The following RPS17 variants were observed in gnomAD, a reference collection of about 807,000 sequenced individuals.
RPS17 encodes the protein small ribosomal subunit protein eS17.
For missense variants in RPS17, 68 were observed against 182.3 expected (o/e 0.37, Z 3.61); for synonymous variants, 75 against 65.6 (o/e 1.14, Z -0.70).
chr15:82,537,871 A>G (rs1467493694), intron 4 of RPS17: 4 of 456,242 alleles, frequency 8.8e-6, no homozygotes, highest in African/African-American at 6.0e-5. Flanking sequence ...AAAAAACATC[A>G]AAGTGCAATG....
In RPS17 at chr15:82,540,067, G is replaced by A. The variant is rs915729899; in HGVS notation, c.69C>T (p.Arg23=). The stretch of plus-strand genomic sequence containing the variant: ...TGTTCGTGTGGAAGTCGTTGCCCAG[G>A]CGCGTGTAGTACTTTTCTATGATGA... The part of the protein sequence containing the change: ...ARVIIEKYYT[R]LGNDFHTNKR... The change falls in exon 2 of 5, where the codon CGC becomes CGT. Residue 23 remains arginine (R), a synonymous_variant. Coordinates refer to ENST00000647841, the MANE Select transcript of RPS17 (RefSeq NM_001021.6). 4 of 1,613,012 alleles carry A rather than the reference G, an allele frequency of 2.5e-6. No individual in the cohort carries two copies. In the East Asian group the frequency reaches 8.9e-5, roughly 36 times the overall value.
chr15:82,538,663 A>T (rs2034283232), intron 3 of RPS17: 2 of 663,198 alleles, frequency 3.0e-6, no homozygotes, highest in Admixed American at 5.1e-5. Flanking sequence ...TCAAATCAAC[A>T]TTAAGGGCTC....
At chr15:82,538,716 A>AATGG in intron 3 of RPS17, 164 bp downstream of exon 3, 1 of 764,094 alleles carries the variant, frequency 1.3e-6, no homozygotes. Context: ...AGAAGAGCAG[A>AATGG]ATGGAGGCTA....
At position 82,538,742 on chromosome 15, in the gene RPS17, G is replaced by GC. The variant is rs1356569360; in HGVS notation, c.261+137dup. The GC allele has an allele frequency of 7.9e-3, 6,974 of 887,052 alleles. 49 individuals carry two copies. Among genetic ancestry groups the GC allele is most frequent in the Non-Finnish European group, 8.3e-3 (4,370 of 525,250 alleles). The allele number at this position is 887,052 out of a possible 1,614,324, so 54.9% of individuals were successfully genotyped here. ...ATGGAGGCTAAGAAACTGGTAGGGG[G>GC]CCTATGGGCACCCACAGCTGGTTAT... On this transcript the variant is annotated intron_variant, in intron 3 of 4. Transcript: ENST00000647841.
At chr15:82,537,947 T>A (rs2034269405) in intron 4 of RPS17, 1 of 461,834 alleles carries the variant, frequency 2.2e-6, no homozygotes, top group South Asian at 1.5e-5. Context: ...AGCTCATTTC[T>A]GAGTGGTTAG....
At chr15:82,539,708 GAAAGA>G (rs2150888470) in intron 2 of RPS17, 1 of 592,292 alleles carries the variant, frequency 1.7e-6, no homozygotes, top group African/African-American at 1.9e-5. Flanking sequence ...AGAAAAAAAA[GAAAGA>G]AAAAAGTTGA....
At chr15:82,538,437 T>A in intron 3 of RPS17, 66 bp from the exon 4 acceptor site, 2 of 1,549,358 alleles carry the variant, frequency 1.3e-6, no homozygotes, top group Non-Finnish European at 1.8e-6. Context: ...CTCCTCCTCC[T>A]CTCCCCAGGT....
At chr15:82,539,087 C>CT (rs2034293321) in intron 2 of RPS17, 102 bp from the exon 3 acceptor site, 1 of 1,193,310 alleles carries the variant, frequency 8.4e-7, no homozygotes. Context: ...TAGTTCTTTT[C>CT]CACAGTGAGA....
At chr15:82,538,747 TG>T in intron 3 of RPS17, 132 bp downstream of exon 3, 1 of 953,114 alleles carries the variant, frequency 1.0e-6, no homozygotes, top group Admixed American at 1.8e-5. Context: ...AGGGGGCCTA[TG>T]GGCACCCACA....
rs890715598 is a variant in RPS17, at chr15:82,536,806, C to T, written c.403G>A (p.Val135Ile). 8.1e-6 allele frequency: 13 copies of T among 1,613,986 alleles called. No homozygotes were observed. The highest frequency in any genetic ancestry group is 1.7e-5 in the Admixed American group (1 of 60,026). The change falls in exon 5 of 5, where the codon GTT (valine) becomes ATT (isoleucine). Residue 135 changes from valine to isoleucine, a missense_variant. Val to Ile is a conservative substitution (Grantham distance 29). Transcript: ENST00000647841. ...GMNFKTPRGP[V>I] is the part of the protein sequence containing the mutation. Reference sequence around the variant, plus strand: ...TACAGCACTACAGAAAAAATTCAAACAGGTCCCCGAGGCGTTTTGAAATTC... The same window carrying T: ...TACAGCACTACAGAAAAAATTCAAATAGGTCCCCGAGGCGTTTTGAAATTC...
intron 1 of RPS17, 66 bp downstream of exon 1, chr15:82,540,360 G>A (rs922602167): frequency 1.6e-5 from 25 of 1,585,066 alleles, no homozygotes; most frequent in Admixed American, 9.4e-5. Flanking sequence ...TGTGGGCTGA[G>A]GACCGCGGGA....
At chr15:82,536,995 C>T in intron 4 of RPS17, 114 bp from the exon 5 acceptor site, 2 of 1,188,522 alleles carry the variant, frequency 1.7e-6, no homozygotes, top group Non-Finnish European at 2.5e-6. Context: ...CCAGAGGCGA[C>T]CTGAAGGACC....
chr15:82,538,321 T>G lies in RPS17; in HGVS notation c.312A>C (p.Glu104Asp). ...AAACACTTACCAAAAGCTTCAGCAT[T>G]TCCTTAGTGTCAGGATCTACTTCAA... ...EIIEVDPDTK[E>D]MLKLLDFGSL... is the part of the protein sequence containing the mutation. The change falls in exon 4 of 5, where the codon GAA becomes GAC. Residue 104 changes from glutamate (E) to aspartate (D), a missense_variant. Glu to Asp is a conservative substitution (Grantham distance 45). Transcript: ENST00000647841. 1.9e-6 allele frequency: 3 copies of G among 1,613,414 alleles called. No homozygotes were observed. Among genetic ancestry groups the G allele is most frequent in the Non-Finnish European group, 2.5e-6 (3 of 1,179,786 alleles).
chr15:82,540,433 G>A lies in RPS17; in HGVS notation c.-5C>T. ...TCGAGCCAAAACACCTACCATGTTGGCGGGTCCTTGGTAAAAGAGGAAACA... is the reference window on the plus strand; with the variant it reads ...TCGAGCCAAAACACCTACCATGTTGACGGGTCCTTGGTAAAAGAGGAAACA... On this transcript the variant is annotated 5_prime_UTR_variant, in exon 1 of 5. Transcript: ENST00000647841. 6.3e-7 allele frequency: 1 copy of A among 1,594,898 alleles called. No individual in the cohort carries two copies. The highest frequency in any genetic ancestry group is 8.5e-7 in the Non-Finnish European group (1 of 1,171,970).
At chr15:82,537,636 G>T (rs922160572) in intron 4 of RPS17, 7 of 356,994 alleles carry the variant, frequency 2.0e-5, no homozygotes, top group South Asian at 1.5e-4. Flanking sequence ...TCAGCGCAGT[G>T]GTTATTTCAG....
chr15:82,540,305 C>T (rs2034327144), intron 1 of RPS17, 121 bp downstream of exon 1: 2 of 1,584,598 alleles, frequency 1.3e-6, no homozygotes, highest in Admixed American at 3.7e-5. Context: ...GCCCGTTGCG[C>T]TCCAGCCTGA....
In RPS17 at chr15:82,540,046, C is replaced by T; in HGVS notation, c.90G>A (p.Thr30=). 6.2e-7 allele frequency: 1 copy of T among 1,612,706 alleles called. No homozygotes were observed. Among genetic ancestry groups the T allele is most frequent in the South Asian group, 1.1e-5 (1 of 91,014 alleles). The change falls in exon 2 of 5, where the codon ACG becomes ACA. Residue 30 remains threonine (T), a synonymous_variant. Coordinates refer to ENST00000647841, the MANE Select transcript of RPS17 (RefSeq NM_001021.6). ...YYTRLGNDFH[T]NKRVCEEIAI... is the part of the protein sequence containing the mutation. ...CGATCTCCTCGCACACGCGCTTGTTCGTGTGGAAGTCGTTGCCCAGGCGCG... is the reference window on the plus strand; with the variant it reads ...CGATCTCCTCGCACACGCGCTTGTTTGTGTGGAAGTCGTTGCCCAGGCGCG...
At chr15:82,536,979 G>A in intron 4 of RPS17, 98 bp from the exon 5 acceptor site, 3 of 1,481,018 alleles carry the variant, frequency 2.0e-6, no homozygotes, top group East Asian at 2.3e-5. Flanking sequence ...GCACTCTCAA[G>A]GGGGTCCAGA....
At chr15:82,538,819 A>C in intron 3 of RPS17, 61 bp downstream of exon 3, 5 of 1,569,226 alleles carry the variant, frequency 3.2e-6, no homozygotes, top group Non-Finnish European at 4.4e-6. Context: ...TTTGGAAGCC[A>C]AGAACCCATA....
Sources: gnomAD v4.1 joint callset for allele counts on GRCh38, gnomAD v4.1.1 for gene constraint, MANE v1.5 for transcripts, NCBI Gene and HGNC (gene_info 2026-07-23, HGNC 2026-07-21) for gene names.